TRANK1: variants seen among roughly 807,000 people sequenced by gnomAD.
TRANK1 encodes tetratricopeptide repeat and ankyrin repeat containing 1, also known as TPR and ankyrin repeat-containing protein 1.
In TRANK1, 198 loss-of-function variants were observed where a neutral mutation model predicts 266.0. The ratio of observed to expected loss-of-function variants is 0.74; its 90% CI spans 0.66 to 0.84. TRANK1 has a LOEUF of 0.84. Among genes scored for constraint, TRANK1 ranks in the 40% least tolerant of loss-of-function variants. The pLI, the probability that TRANK1 is intolerant of heterozygous loss-of-function variation, is 0.00. For synonymous variants in TRANK1, 1,396 were observed against 1,384.1 expected (o/e 1.01, Z -0.19); for missense variants, 3,326 against 3,634.6 (o/e 0.92, Z 2.18).
chr3:36,862,303 T>C (rs2079153407), intron 10 of TRANK1, among the ~76,000 whole-genome samples: 1 of 152,194 alleles, frequency 6.6e-6, no homozygotes, highest in Admixed American at 6.5e-5. Context: ...CAACTTGATT[T>C]GCATTTGCTA....
chr3:36,928,671 G>A (rs1419978899), intron 1 of TRANK1, among the ~76,000 whole-genome samples: 1 of 151,964 alleles, frequency 6.6e-6, no homozygotes, highest in Non-Finnish European at 1.5e-5. Flanking sequence ...GTAATAAGAA[G>A]AACATTAATT....
chr3:36,841,838 C>T (rs1478358856), intron 18 of TRANK1, among the ~76,000 whole-genome samples: 2 of 151,592 alleles, frequency 1.3e-5, no homozygotes, highest in Non-Finnish European at 2.9e-5. Flanking sequence ...AGACTGGGCC[C>T]ATGTTGACTT....
rs748818101 is a variant in TRANK1, at chr3:36,829,588, T to C, written c.8785A>G (p.Thr2929Ala). Residue 2929 changes from threonine (T) to alanine (A), a missense_variant, in exon 23 of 24, where the codon ACA becomes GCA. Coordinates refer to ENST00000645898, the MANE Select transcript of TRANK1 (RefSeq NM_001329998.2). ...VRDARDWLMKTETRLKKEGIV... is the reference protein window; with the variant it reads ...VRDARDWLMKAETRLKKEGIV... ...CCTTCCTTCTTTAAGCGGGTCTCTGTTTTCATCAACCAGTCTCGTGCATCC... is the reference window on the plus strand; with the variant it reads ...CCTTCCTTCTTTAAGCGGGTCTCTGCTTTCATCAACCAGTCTCGTGCATCC... The C allele has an allele frequency of 1.2e-6, 2 of 1,613,980 alleles. No homozygotes were observed. Among genetic ancestry groups the C allele is most frequent in the Admixed American group, 1.7e-5 (1 of 60,014 alleles).
At chr3:36,931,730 C>T (rs1378958825) in intron 1 of TRANK1, among the ~76,000 whole-genome samples, 1 of 151,862 alleles carries the variant, frequency 6.6e-6, no homozygotes, top group East Asian at 1.9e-4. Context: ...AAAGAATATA[C>T]ATTTGCATTT....
intron 2 of TRANK1, 71 bp from the exon 3 acceptor site, chr3:36,903,346 C>T (rs1488510056): frequency 9.4e-6 from 14 of 1,492,718 alleles, no homozygotes; most frequent in Admixed American, 2.0e-5. Context: ...TCCCCCCATT[C>T]GGTGCTGGCT....
intron 4 of TRANK1, 115 bp downstream of exon 4, chr3:36,898,994 T>C: frequency 8.6e-7 from 1 of 1,168,610 alleles, no homozygotes; most frequent in Non-Finnish European, 1.2e-6. Flanking sequence ...TTAAACTGCA[T>C]AAATCAGCCA....
intron 17 of TRANK1, among the ~76,000 whole-genome samples, 176 bp downstream of exon 17, chr3:36,846,072 T>A (rs929536814): frequency 6.6e-6 from 1 of 152,184 alleles, no homozygotes; most frequent in Non-Finnish European, 1.5e-5. Context: ...CCAATCCCAC[T>A]ACAGCTACAC....
At chr3:36,916,795 T>G (rs113224678) in intron 1 of TRANK1, among the ~76,000 whole-genome samples, 7,297 of 150,388 alleles carry the variant, frequency 0.049, 584 homozygotes, top group African/African-American at 0.17. Flanking sequence ...AATGTATGGG[T>G]TTTTTTTGTT....
At position 36,879,787 on chromosome 3, in the gene TRANK1, T is replaced by C. The variant is rs1321767080; in HGVS notation, c.908-5491A>G. The stretch of plus-strand genomic sequence containing the variant: ...ATATATATAAATATATATAAATATG[T>C]AAATATATAAATATACAAATATATG... On this transcript the variant is annotated intron_variant, in intron 8 of 23. Transcript: ENST00000645898. Among the ~76,000 whole-genome samples, 265 of 49,644 alleles carry C rather than the reference T, an allele frequency of 5.3e-3. 51 individuals carry two copies. The highest frequency in any genetic ancestry group is 0.031 in the South Asian group (66 of 2,104). 32.6% of individuals were successfully genotyped at this position (49,644 alleles called of 152,430 possible). A position where few individuals can be genotyped will look rare whatever the true frequency, so the allele number is the denominator to read the frequency against.
chr3:36,834,557 G>C (rs2125508734), intron 21 of TRANK1: 1 of 522,496 alleles, frequency 1.9e-6, no homozygotes, highest in East Asian at 3.2e-5. Flanking sequence ...TTGTGACACT[G>C]CATCAAAGCT....
At chr3:36,850,684 C>T (rs935824332) in intron 15 of TRANK1, 11 of 947,154 alleles carry the variant, frequency 1.2e-5, no homozygotes, top group Non-Finnish European at 1.4e-5. Context: ...TGGAGTGAGA[C>T]AATGACTTCA....
At chr3:36,919,745 T>C (rs1323035292) in intron 1 of TRANK1, among the ~76,000 whole-genome samples, 3 of 152,240 alleles carry the variant, frequency 2.0e-5, no homozygotes, top group African/African-American at 2.4e-5. Flanking sequence ...TTTGTGTATA[T>C]AAACTGCCAA....
chr3:36,856,572 G>A lies in TRANK1; in HGVS notation c.3150C>T (p.Tyr1050=). The stretch of plus-strand genomic sequence containing the variant: ...ACTCAAGCTCACCCACCCGGAAGGG[G>A]TACTCCACTGTGGCTGTCGTGTCAT... ...ILNDTTATVE[Y]PFRVGELEYA... is the part of the protein sequence containing the mutation. The change falls in exon 13 of 24, where the codon TAC becomes TAT. Residue 1050 remains tyrosine, a synonymous_variant. Transcript: ENST00000645898. 1 of 1,614,002 alleles carries A rather than the reference G, an allele frequency of 6.2e-7. No homozygotes were observed. Among genetic ancestry groups the A allele is most frequent in the South Asian group, 1.1e-5 (1 of 91,080 alleles).
At chr3:36,895,575 C>T in intron 5 of TRANK1, 65 bp downstream of exon 5, 1 of 990,366 alleles carries the variant, frequency 1.0e-6, no homozygotes, top group East Asian at 2.9e-5. Context: ...CCCTCAATGC[C>T]AATGGAAAGG....
rs369402678 is a variant in TRANK1 at position 36,879,725 on chromosome 3, AATATATAT to A, written c.908-5437_908-5430del. Reference sequence around the variant, plus strand: ...ATAAATATAAATATATAAATATATAAATATATATAAATATACAAATATATAAATATATA... The same window carrying A: ...ATAAATATAAATATATAAATATATAAAAATATACAAATATATAAATATATA... On this transcript the variant is annotated intron_variant, in intron 8 of 23. Coordinates refer to ENST00000645898, the MANE Select transcript of TRANK1 (RefSeq NM_001329998.2). 6.2e-5 allele frequency among the ~76,000 whole-genome samples: 6 copies of A among 96,918 alleles called. 2 individuals carry two copies. Among genetic ancestry groups the A allele is most frequent in the African/African-American group, 1.5e-4 (3 of 20,180 alleles). The allele number at this position is 96,918 out of a possible 152,430, so 63.6% of individuals were successfully genotyped here.
At chr3:36,865,186 C>T (rs2079198698) in intron 9 of TRANK1, among the ~76,000 whole-genome samples, 1 of 151,932 alleles carries the variant, frequency 6.6e-6, no homozygotes, top group South Asian at 2.1e-4. Flanking sequence ...TGCCACCGCG[C>T]CTGGCTAATT....
chr3:36,832,248 G>T lies in TRANK1; in HGVS notation c.7335C>A (p.Leu2445=), dbSNP rs1156743463. The T allele has an allele frequency of 6.2e-7, 1 of 1,613,880 alleles. No individual in the cohort carries two copies. The highest frequency in any genetic ancestry group is 1.3e-5 in the African/African-American group (1 of 74,908). The change falls in exon 22 of 24, where the codon CTC becomes CTA. Residue 2445 remains leucine (L), a synonymous_variant. Transcript: ENST00000645898. ...NVLIKRCKEP[L]IPSIGNTVAL... Reference sequence around the variant, plus strand: ...CTACTGTGTTTCCAATGCTGGGGATGAGTGGTTCTTTGCACCTCTTGATGA... The same window carrying T: ...CTACTGTGTTTCCAATGCTGGGGATTAGTGGTTCTTTGCACCTCTTGATGA...
chr3:36,869,875 T>C (rs2079280855), intron 9 of TRANK1, among the ~76,000 whole-genome samples: 1 of 152,256 alleles, frequency 6.6e-6, no homozygotes, highest in Non-Finnish European at 1.5e-5. Context: ...AGAATAGGTG[T>C]AGGACATTTC....
At chr3:36,929,146 A>AT (rs5847943) in intron 1 of TRANK1, among the ~76,000 whole-genome samples, 46,950 of 143,972 alleles carry the variant, frequency 0.33, 8,423 homozygotes, top group Non-Finnish European at 0.41. Flanking sequence ...TAAAACATTA[A>AT]TTTTTTTTTT....
Sources: gnomAD v4.1 joint callset for allele counts (sites outside exome capture counted in the v4.1 genomes callset) on GRCh38, gnomAD v4.1.1 for gene constraint, MANE v1.5 for transcripts, NCBI Gene and HGNC (gene_info 2026-07-23, HGNC 2026-07-21) for gene names.